RASGRP3: variants seen among roughly 807,000 people sequenced by gnomAD.
The protein encoded by RASGRP3 is ras guanyl-releasing protein 3.
Under a neutral mutation model 82.7 loss-of-function variants are expected in RASGRP3, and 54 were observed. The ratio of observed to expected loss-of-function variants is 0.65; its 90% CI spans 0.52 to 0.82. The LOEUF (loss-of-function observed/expected upper bound fraction) is 0.82. Among genes scored for constraint, RASGRP3 ranks in the 40% least tolerant of loss-of-function variants. RASGRP3 has a pLI of 0.00. For missense variants in RASGRP3, 861 were observed against 828.9 expected, an observed-to-expected ratio of 1.04 and a Z score of -0.48; for synonymous variants, 309 against 300.5, an observed-to-expected ratio of 1.03 and a Z score of -0.29.
chr2:33,470,778 G>C (rs1667013768), intron 2 of RASGRP3, among the ~76,000 whole-genome samples: 1 of 151,974 alleles, frequency 6.6e-6, no homozygotes. Flanking sequence ...AATTAATTTT[G>C]TATACTTATT....
At chr2:33,502,662 A>G (rs781367359) in intron 1 of RASGRP3, among the ~76,000 whole-genome samples, 1 of 151,662 alleles carries the variant, frequency 6.6e-6, no homozygotes, top group Non-Finnish European at 1.5e-5. Context: ...ACAGGCACGC[A>G]CCACCACACC....
intron 14 of RASGRP3, among the ~76,000 whole-genome samples, chr2:33,553,813 A>ACTGCAACCTCTACCTC (rs1675611722): frequency 6.6e-6 from 1 of 152,086 alleles, no homozygotes; most frequent in Admixed American, 6.6e-5. Context: ...ATCTTGGCTC[A>ACTGCAACCTCTACCTC]CTGCAACCTC....
In RASGRP3 at chr2:33,459,260, G is replaced by A. The variant is rs969628886; in HGVS notation, c.-261+11317G>A. On this transcript the variant is annotated intron_variant, in intron 2 of 18. Coordinates refer to the RASGRP3 transcript ENST00000402538. The stretch of plus-strand genomic sequence containing the variant: ...AGCCATTCTCCTGCCTCAGCCTCCC[G>A]AGTAGCTGGGACTACAGGCGCCCGC... Among the ~76,000 whole-genome samples the A allele has an allele frequency of 4.6e-5, 7 of 151,750 alleles. No individual in the cohort carries two copies. The South Asian group carries it at 1.3e-3, about 27-fold the overall frequency.
upstream of RASGRP3, among the ~76,000 whole-genome samples, chr2:33,475,159 G>A (rs1279484864): frequency 3.3e-5 from 5 of 152,194 alleles, no homozygotes; most frequent in African/African-American, 1.2e-4. Flanking sequence ...TTTATGCATT[G>A]CATTTTTATA....
At chr2:33,534,016 C>G (rs941764964) in intron 10 of RASGRP3, 2 of 315,892 alleles carry the variant, frequency 6.3e-6, no homozygotes, top group Non-Finnish European at 5.9e-6. Context: ...CATCTGTCCC[C>G]ACTTCCAGCC....
At chr2:33,519,501 G>C (rs956360996) in intron 4 of RASGRP3, among the ~76,000 whole-genome samples, 1 of 152,062 alleles carries the variant, frequency 6.6e-6, no homozygotes, top group Non-Finnish European at 1.5e-5. Flanking sequence ...CCACTACTAG[G>C]GAGGCTGAGG....
intron 1 of RASGRP3, among the ~76,000 whole-genome samples, chr2:33,443,710 A>T (rs1472822575): frequency 2.9e-5 from 2 of 69,972 alleles, no homozygotes; most frequent in Admixed American, 2.0e-4. Context: ...TCCTGTCTCT[A>T]AAAAAAAAAA....
intron 2 of RASGRP3, among the ~76,000 whole-genome samples, chr2:33,468,146 C>A (rs144684094): frequency 0.011 from 1,613 of 151,326 alleles, 31 homozygotes; most frequent in African/African-American, 0.038. Flanking sequence ...TTAAAAAGAT[C>A]TCATTAAAAA....
intron 4 of RASGRP3, 65 bp from the exon 5 acceptor site, chr2:33,519,887 G>A (rs1671850550): frequency 4.5e-6 from 5 of 1,122,062 alleles, no homozygotes; most frequent in Non-Finnish European, 5.3e-6. Context: ...ATACATTGAG[G>A]GCACAGCTGC....
intron 11 of RASGRP3, among the ~76,000 whole-genome samples, chr2:33,536,181 A>G (rs898295400): frequency 3.3e-5 from 5 of 152,054 alleles, no homozygotes; most frequent in African/African-American, 9.7e-5. Context: ...ATGTGCCTGT[A>G]GTTCCAGCTA....
chr2:33,463,803 T>C (rs1666517781), intron 2 of RASGRP3, among the ~76,000 whole-genome samples: 3 of 151,918 alleles, frequency 2.0e-5, no homozygotes, highest in African/African-American at 7.2e-5. Flanking sequence ...GGTTTCACCA[T>C]GTTGGCCAGG....
chr2:33,558,305 G>A lies in RASGRP3; in HGVS notation c.1674G>A (p.Gly558=), dbSNP rs749076594. 13 of 1,613,514 alleles carry A rather than the reference G, an allele frequency of 8.1e-6. No homozygotes were observed. The highest frequency in any genetic ancestry group is 1.0e-5 in the Non-Finnish European group (12 of 1,179,874). ...ARAPSLSSGH[G]SLPGSPSLPP... ...CGCCCTCCTTGAGCAGTGGTCATGG[G>A]TCACTGCCTGGAAGCCCCTCGCTGC... The change falls in exon 16 of 18, where the codon GGG becomes GGA. Residue 558 remains glycine (G), a synonymous_variant. Transcript: ENST00000403687.
chr2:33,524,376 G>T, intron 8 of RASGRP3, 56 bp from the exon 9 acceptor site: 1 of 1,174,958 alleles, frequency 8.5e-7, no homozygotes, highest in Non-Finnish European at 1.2e-6. Flanking sequence ...TTGTAATTCA[G>T]AAAGTTTAGA....
rs1666823863 is a variant in RASGRP3, at chr2:33,468,038, TTC to T, written c.-261+20097_-261+20098del. Among the ~76,000 whole-genome samples, 4 of 127,474 alleles carry T rather than the reference TTC, an allele frequency of 3.1e-5. No individual in the cohort carries two copies. In the Admixed American group the frequency reaches 3.6e-4, roughly 12 times the overall value. The allele number at this position is 127,474 out of a possible 152,430, so 83.6% of individuals were successfully genotyped here. A position where few individuals can be genotyped will look rare whatever the true frequency, so the allele number is the denominator to read the frequency against. On this transcript the variant is annotated intron_variant, in intron 2 of 18. Coordinates refer to the RASGRP3 transcript ENST00000402538. ...TTTCTTTCTTTCTTTCTTTCTTTCT[TTC>T]TTTCTCTCTTAGTGTACATGATTTG...
Position 33,563,000 on chromosome 2 carries a change from C to CCTG in RASGRP3, c.*263_*264insCTG. The stretch of plus-strand genomic sequence containing the variant: ...TGTGTTATGTAGTCAGTACTTTTTT[C>CCTG]TCATGTATCTTTCTCTAGACCATTT... On this transcript the variant is annotated 3_prime_UTR_variant, in exon 18 of 18. Transcript: ENST00000403687. 2.1e-6 allele frequency: 1 copy of CCTG among 486,582 alleles called. No individual in the cohort carries two copies. The highest frequency in any genetic ancestry group is 2.0e-5 in the African/African-American group (1 of 50,518). 30.1% of individuals were successfully genotyped at this position (486,582 alleles called of 1,614,324 possible). A position where few individuals can be genotyped will look rare whatever the true frequency, so the allele number is the denominator to read the frequency against.
chr2:33,514,521 A>AC (rs1233255911), intron 2 of RASGRP3, among the ~76,000 whole-genome samples: 1 of 148,802 alleles, frequency 6.7e-6, no homozygotes, highest in Non-Finnish European at 1.5e-5. Context: ...AAAAAAAAAA[A>AC]AAAAAACCCA....
rs1408779211 is a variant in RASGRP3, at chr2:33,562,744, G to C, written c.*7G>C. The C allele has an allele frequency of 5.0e-6, 8 of 1,613,376 alleles. No homozygotes were observed. Among genetic ancestry groups the C allele is most frequent in the Non-Finnish European group, 5.9e-6 (7 of 1,179,452 alleles). On this transcript the variant is annotated 3_prime_UTR_variant, in exon 18 of 18. Coordinates refer to ENST00000403687, the MANE Select transcript of RASGRP3 (RefSeq NM_001139488.2). ...TGTGTTTCAGGATGGCTGACTTCAG[G>C]CTGCGGAAACTGAAGGCAATAATGT...
chr2:33,463,164 A>G (rs1558405456), intron 2 of RASGRP3, among the ~76,000 whole-genome samples: 1 of 152,172 alleles, frequency 6.6e-6, no homozygotes, highest in Non-Finnish European at 1.5e-5. Flanking sequence ...AGCTGTGTGT[A>G]AGTAATTATG....
At chr2:33,524,151 A>G in intron 8 of RASGRP3, 99 bp downstream of exon 8, 4 of 1,347,852 alleles carry the variant, frequency 3.0e-6, no homozygotes, top group Non-Finnish European at 4.1e-6. Flanking sequence ...GTATAAGGGC[A>G]TCGGACAACT....
Sources: gnomAD v4.1 joint callset for allele counts (sites outside exome capture counted in the v4.1 genomes callset) on GRCh38, gnomAD v4.1.1 for gene constraint, MANE v1.5 for transcripts, NCBI Gene and HGNC (gene_info 2026-07-23, HGNC 2026-07-21) for gene names.